NPAS3: variants seen among roughly 807,000 people sequenced by gnomAD.
The protein encoded by NPAS3 is neuronal PAS domain protein 3.
In NPAS3, 14 loss-of-function variants were observed where a neutral mutation model predicts 73.1. That is an observed-to-expected ratio of 0.19 (90% confidence interval 0.13 to 0.30). NPAS3 has a LOEUF of 0.30. Among genes scored for constraint, NPAS3 ranks in the 10% least tolerant of loss-of-function variants. The pLI is 1.00. For synonymous variants in NPAS3, 620 were observed against 541.5 expected (o/e 1.14, Z -2.01); for missense variants, 1,096 against 1,250.0 (o/e 0.88, Z 1.86).
chr14:33,327,821 A>C (rs2058666407), intron 3 of NPAS3, among the ~76,000 whole-genome samples: 1 of 152,224 alleles, frequency 6.6e-6, no homozygotes, highest in African/African-American at 2.4e-5. Context: ...AGAGTGCATG[A>C]AGAGGAATAG....
At chr14:33,690,647 C>T (rs1466236601) in intron 6 of NPAS3, among the ~76,000 whole-genome samples, 1 of 152,016 alleles carries the variant, frequency 6.6e-6, no homozygotes, top group African/African-American at 2.4e-5. Context: ...AAAAGAGAGG[C>T]AGAAACCCTA....
chr14:32,986,669 AT>A (rs776694340), intron 1 of NPAS3, among the ~76,000 whole-genome samples: 20 of 152,230 alleles, frequency 1.3e-4, no homozygotes, highest in Non-Finnish European at 1.9e-4. Flanking sequence ...TAGTGGCATA[AT>A]TGTAAAAATT....
chr14:33,519,928 C>G (rs1206380674), intron 4 of NPAS3, among the ~76,000 whole-genome samples: 1 of 152,090 alleles, frequency 6.6e-6, no homozygotes, highest in Non-Finnish European at 1.5e-5. Context: ...ATCTCAGAAT[C>G]TCACCCTACC....
intron 5 of NPAS3, among the ~76,000 whole-genome samples, chr14:33,672,129 C>T (rs1168209754): frequency 6.6e-6 from 1 of 152,042 alleles, no homozygotes; most frequent in Non-Finnish European, 1.5e-5. Context: ...AGAGTTTTGC[C>T]GTAGATTGGA....
intron 7 of NPAS3, among the ~76,000 whole-genome samples, chr14:33,752,059 A>G (rs2061979614): frequency 6.6e-6 from 1 of 152,170 alleles, no homozygotes; most frequent in Admixed American, 6.5e-5. Flanking sequence ...ATATTCCTGG[A>G]TTGAATGATT....
At chr14:33,573,617 T>C (rs922875722) in intron 5 of NPAS3, among the ~76,000 whole-genome samples, 4 of 152,212 alleles carry the variant, frequency 2.6e-5, no homozygotes, top group South Asian at 2.1e-4. Flanking sequence ...TATGCAAAGC[T>C]ATTTCTTATG....
chr14:33,331,355 G>C (rs1052403435), intron 3 of NPAS3, among the ~76,000 whole-genome samples: 3 of 152,146 alleles, frequency 2.0e-5, no homozygotes, highest in Non-Finnish European at 4.4e-5. Context: ...AATTTTTTGT[G>C]TGGAAGATAA....
chr14:33,471,481 G>A (rs1241774605), intron 4 of NPAS3, among the ~76,000 whole-genome samples: 2 of 152,172 alleles, frequency 1.3e-5, no homozygotes, highest in African/African-American at 4.8e-5. Context: ...ATTGGAGTGG[G>A]AGTCGGGAGA....
At chr14:33,272,423 T>C (rs2041134949) in intron 3 of NPAS3, among the ~76,000 whole-genome samples, 1 of 152,156 alleles carries the variant, frequency 6.6e-6, no homozygotes, top group Non-Finnish European at 1.5e-5. Flanking sequence ...TTCATTTAAT[T>C]TTTTTTGTTT....
chr14:33,760,176 A>C (rs2062239394), intron 7 of NPAS3, among the ~76,000 whole-genome samples: 1 of 152,108 alleles, frequency 6.6e-6, no homozygotes, highest in Admixed American at 6.6e-5. Context: ...CAACTAATAC[A>C]TCAACAAGTG....
intron 7 of NPAS3, among the ~76,000 whole-genome samples, chr14:33,754,823 T>C (rs1030576296): frequency 4.6e-5 from 7 of 152,206 alleles, no homozygotes; most frequent in African/African-American, 1.4e-4. Context: ...GAGGTACACC[T>C]GAAAGAATAA....
intron 1 of NPAS3, among the ~76,000 whole-genome samples, chr14:32,974,224 A>G (rs1044009163): frequency 6.6e-6 from 1 of 152,200 alleles, no homozygotes; most frequent in African/African-American, 2.4e-5. Flanking sequence ...TATTTAGTTG[A>G]ACACTTAAGA....
At chr14:33,656,436 C>T (rs1261778285) in intron 5 of NPAS3, among the ~76,000 whole-genome samples, 3 of 152,172 alleles carry the variant, frequency 2.0e-5, no homozygotes, top group African/African-American at 7.2e-5. Flanking sequence ...TGGAGGCTTA[C>T]AGTTAGAAAG....
chr14:33,554,936 C>A (rs939328880), intron 4 of NPAS3, among the ~76,000 whole-genome samples: 1 of 152,174 alleles, frequency 6.6e-6, no homozygotes, highest in Non-Finnish European at 1.5e-5. Context: ...AAGCATTCAG[C>A]TTTTGGGGTT....
chr14:33,799,891 C>T (rs747575017), exon 12 of NPAS3: 1 of 1,614,184 alleles, frequency 6.2e-7, no homozygotes, highest in South Asian at 1.1e-5. Flanking sequence ...GCCGCGACAG[C>T]GACGACAGCT....
chr14:32,991,046 A>G (rs936083802), intron 1 of NPAS3, among the ~76,000 whole-genome samples: 1 of 151,882 alleles, frequency 6.6e-6, no homozygotes, highest in Non-Finnish European at 1.5e-5. Flanking sequence ...TAGATACAGG[A>G]TAGTTATATA....
At chr14:33,213,060 A>G (rs952884347) in intron 2 of NPAS3, among the ~76,000 whole-genome samples, 10 of 152,202 alleles carry the variant, frequency 6.6e-5, no homozygotes, top group African/African-American at 1.4e-4. Context: ...GACACCAGGC[A>G]TGACTTTCCC....
chr14:32,939,339 T>A (rs777900637), exon 1 of NPAS3: 1 of 725,824 alleles, frequency 1.4e-6, no homozygotes, highest in African/African-American at 1.9e-5. Flanking sequence ...AAGCCCAGCT[T>A]TCAGCAGGAT....
chr14:33,207,597 A>G (rs1304353619), intron 2 of NPAS3, among the ~76,000 whole-genome samples: 1 of 152,198 alleles, frequency 6.6e-6, no homozygotes, highest in East Asian at 1.9e-4. Flanking sequence ...TAGCAGTTTG[A>G]CAGCCATTCA....
Sources: gnomAD v4.1 joint callset for allele counts (sites outside exome capture counted in the v4.1 genomes callset) on GRCh38, gnomAD v4.1.1 for gene constraint, MANE v1.5 for transcripts, NCBI Gene and HGNC (gene_info 2026-07-23, HGNC 2026-07-21) for gene names.